Variants in CDH10 observed in about 807,000 individuals in gnomAD.
CDH10 encodes the protein cadherin 10, also known as cadherin-10.
A neutral mutation model predicts 73.1 loss-of-function variants in CDH10; 30 were observed. The observed-to-expected ratio is 0.41, with a 90% CI of 0.31 to 0.56. CDH10 has a LOEUF of 0.56. CDH10 is among the 20% of genes least tolerant of loss of function. The pLI is 0.27. For synonymous variants in CDH10, 345 were observed against 348.2 expected (o/e 0.99, Z 0.10); for missense variants, 815 against 973.7 (o/e 0.84, Z 2.17).
intron 8 of CDH10, among the ~76,000 whole-genome samples, chr5:24,502,085 C>T (rs199650373): frequency 7.9e-6 from 1 of 126,816 alleles, no homozygotes. Flanking sequence ...ACGTCCGGCT[C>T]ATTTTTTTGT....
chr5:24,510,767 C>T (rs1353668728), intron 6 of CDH10, among the ~76,000 whole-genome samples: 1 of 152,110 alleles, frequency 6.6e-6, no homozygotes, highest in Admixed American at 6.5e-5. Flanking sequence ...ATTTTTTTCT[C>T]ATAATGATGG....
At chr5:24,584,863 CT>C (rs1039560191) in intron 2 of CDH10, among the ~76,000 whole-genome samples, 59 of 150,322 alleles carry the variant, frequency 3.9e-4, no homozygotes, top group East Asian at 6.0e-4. Flanking sequence ...TTTTTCCCCC[CT>C]GATACAAGGT....
In CDH10 at chr5:24,493,004, T is replaced by G. The variant is rs374648548; in HGVS notation, c.1516-79A>C. ...ATCTGCACTTAAGATCTTCATTTTG[T>G]CTGAAGTTGTTCAAAATAATTGACT... On this transcript the variant is annotated intron_variant, in intron 9 of 11. Transcript: ENST00000264463. The G allele has an allele frequency of 2.0e-4, 137 of 672,476 alleles. No homozygotes were observed. The East Asian group carries it at 2.5e-3, about 12-fold the overall frequency. 41.7% of individuals were successfully genotyped at this position (672,476 alleles called of 1,614,324 possible).
At chr5:24,540,014 T>G (rs529931126) in intron 2 of CDH10, among the ~76,000 whole-genome samples, 1 of 152,162 alleles carries the variant, frequency 6.6e-6, no homozygotes, top group East Asian at 1.9e-4. Flanking sequence ...CTCTATGCAT[T>G]CAATAATTTT....
intron 5 of CDH10, among the ~76,000 whole-genome samples, chr5:24,525,502 T>C (rs1006080117): frequency 9.2e-5 from 14 of 152,090 alleles, no homozygotes; most frequent in Admixed American, 2.0e-4. Flanking sequence ...CATTGTATAA[T>C]GCTTAAAAGA....
intron 1 of CDH10, among the ~76,000 whole-genome samples, chr5:24,604,963 TAA>T (rs1202979007): frequency 8.6e-5 from 13 of 151,212 alleles, no homozygotes; most frequent in East Asian, 1.9e-4. Flanking sequence ...GTGTCTCTGA[TAA>T]AGTCTTTTTT....
intron 2 of CDH10, among the ~76,000 whole-genome samples, chr5:24,548,961 A>G (rs1486685321): frequency 6.6e-6 from 1 of 152,072 alleles, no homozygotes; most frequent in African/African-American, 2.4e-5. Context: ...AAACAGGTGG[A>G]AAAATAGATA....
chr5:24,536,819 T>G (rs1271924289), intron 3 of CDH10, among the ~76,000 whole-genome samples: 1 of 151,980 alleles, frequency 6.6e-6, no homozygotes, highest in Non-Finnish European at 1.5e-5. Context: ...CAACTGGTTT[T>G]TTTCGAAAAT....
chr5:24,492,408 C>A (rs562909667), intron 10 of CDH10, among the ~76,000 whole-genome samples: 1 of 152,252 alleles, frequency 6.6e-6, no homozygotes, highest in African/African-American at 2.4e-5. Flanking sequence ...ACCTCACAGG[C>A]TACTTCTCAT....
At chr5:24,584,174 A>T (rs1265629984) in intron 2 of CDH10, among the ~76,000 whole-genome samples, 1 of 152,152 alleles carries the variant, frequency 6.6e-6, no homozygotes, top group Non-Finnish European at 1.5e-5. Flanking sequence ...TATCATTATC[A>T]GGCTACATCA....
At chr5:24,626,886 A>G (rs1187639442) in intron 1 of CDH10, among the ~76,000 whole-genome samples, 1 of 33,918 alleles carries the variant, frequency 2.9e-5, no homozygotes, top group African/African-American at 3.9e-5. Flanking sequence ...GTGTATATAT[A>G]TGTGTATATA....
chr5:24,633,906 C>T (rs1424154858), intron 1 of CDH10, among the ~76,000 whole-genome samples: 1 of 151,758 alleles, frequency 6.6e-6, no homozygotes, highest in Non-Finnish European at 1.5e-5. Flanking sequence ...CAATAATTCT[C>T]AACATGACCA....
chr5:24,521,094 A>C (rs1743312227), intron 5 of CDH10, among the ~76,000 whole-genome samples: 1 of 152,156 alleles, frequency 6.6e-6, no homozygotes, highest in Non-Finnish European at 1.5e-5. Context: ...TATAAGATTT[A>C]ACAGGAAAAC....
At chr5:24,554,013 A>T (rs980396829) in intron 2 of CDH10, 1 of 150,556 alleles carries the variant, frequency 6.6e-6, no homozygotes, top group African/African-American at 2.5e-5. Flanking sequence ...CCATTGGACC[A>T]CATAAGGACA....
chr5:24,499,068 T>C (rs1256847492), intron 8 of CDH10, among the ~76,000 whole-genome samples: 1 of 152,204 alleles, frequency 6.6e-6, no homozygotes, highest in African/African-American at 2.4e-5. Context: ...CCTTCGCTCG[T>C]AAGTGGTAAC....
chr5:24,624,110 A>C (rs1747410877), intron 1 of CDH10, among the ~76,000 whole-genome samples: 2 of 152,126 alleles, frequency 1.3e-5, no homozygotes, highest in South Asian at 4.1e-4. Context: ...CTAGTAGAGA[A>C]AAAGACTCTG....
At chr5:24,545,600 AG>A (rs1744310193) in intron 2 of CDH10, among the ~76,000 whole-genome samples, 1 of 152,076 alleles carries the variant, frequency 6.6e-6, no homozygotes, top group Non-Finnish European at 1.5e-5. Context: ...GGATCTTTTG[AG>A]GCCAGGAGAT....
At chr5:24,629,401 G>C (rs1277236435) in intron 1 of CDH10, among the ~76,000 whole-genome samples, 6 of 152,100 alleles carry the variant, frequency 3.9e-5, no homozygotes, top group African/African-American at 1.4e-4. Flanking sequence ...GGTGAGGCCA[G>C]TTGTATATAT....
intron 5 of CDH10, among the ~76,000 whole-genome samples, chr5:24,512,554 T>A (rs1048047124): frequency 6.6e-6 from 1 of 152,110 alleles, no homozygotes; most frequent in Non-Finnish European, 1.5e-5. Context: ...CAAAGGACAG[T>A]CTGTGGAAAA....
Sources: gnomAD v4.1 joint callset for allele counts (sites outside exome capture counted in the v4.1 genomes callset) on GRCh38, gnomAD v4.1.1 for gene constraint, MANE v1.5 for transcripts, NCBI Gene and HGNC (gene_info 2026-07-23, HGNC 2026-07-21) for gene names.